Variants in NAALADL2 observed in about 807,000 individuals in gnomAD.
NAALADL2 encodes N-acetylated alpha-linked acidic dipeptidase like 2, also known as inactive N-acetylated-alpha-linked acidic dipeptidase-like protein 2.
A neutral mutation model predicts 87.2 loss-of-function variants in NAALADL2; 76 were observed. The observed-to-expected ratio is 0.87, with a 90% CI of 0.72 to 1.05. NAALADL2 has a LOEUF of 1.05. Ranked by LOEUF, NAALADL2 falls within the 50% of genes least tolerant of loss-of-function variation. The probability of loss-of-function intolerance (pLI) is 0.00; values close to 1 mark genes in which losing one functional copy is unlikely to be tolerated. For missense variants in NAALADL2, 1,089 were observed against 945.8 expected, an observed-to-expected ratio of 1.15 and a Z score of -1.99; for synonymous variants, 354 against 331.0, an observed-to-expected ratio of 1.07 and a Z score of -0.75.
chr3:174,937,046 G>A (rs9852324), intron 1 of NAALADL2, among the ~76,000 whole-genome samples: 37,255 of 151,880 alleles, frequency 0.25, 5,075 homozygotes, highest in East Asian at 0.46. Context: ...ATAAGATTCA[G>A]ATTTTTAAAA....
intron 1 of NAALADL2, among the ~76,000 whole-genome samples, chr3:174,962,874 T>C (rs62286229): frequency 0.39 from 59,704 of 151,880 alleles, 14,185 homozygotes; most frequent in Non-Finnish European, 0.55. Context: ...AATGCTATAT[T>C]TCCTTATATA....
At chr3:175,642,799 C>T (rs1212540126) in intron 11 of NAALADL2, among the ~76,000 whole-genome samples, 2 of 152,248 alleles carry the variant, frequency 1.3e-5, no homozygotes, top group East Asian at 1.9e-4. Flanking sequence ...CGCGCCCGGC[C>T]GCAAATCTTT....
intron 2 of NAALADL2, among the ~76,000 whole-genome samples, chr3:175,182,550 GTTTTTTTTTTT>G (rs1161831796): frequency 0.027 from 1,868 of 69,480 alleles, 29 homozygotes; most frequent in African/African-American, 0.088. Context: ...ACCACAGCCA[GTTTTTTTTTTT>G]TTTTTTTTTT....
At chr3:174,994,828 G>T (rs1490702835) in intron 1 of NAALADL2, among the ~76,000 whole-genome samples, 2 of 152,084 alleles carry the variant, frequency 1.3e-5, no homozygotes, top group Non-Finnish European at 2.9e-5. Flanking sequence ...AATTAGATTT[G>T]CAATTTATCT....
intron 1 of NAALADL2, among the ~76,000 whole-genome samples, chr3:174,886,299 G>T (rs915273871): frequency 6.6e-6 from 1 of 152,040 alleles, no homozygotes; most frequent in Non-Finnish European, 1.5e-5. Context: ...AGGCTGGGAG[G>T]CTAGGCCAGT....
At chr3:175,344,944 G>GA (rs1274765206) in intron 5 of NAALADL2, among the ~76,000 whole-genome samples, 1 of 151,856 alleles carries the variant, frequency 6.6e-6, no homozygotes, top group East Asian at 1.9e-4. Context: ...TACAGATGAG[G>GA]AAACTAGAAC....
intron 11 of NAALADL2, among the ~76,000 whole-genome samples, chr3:175,679,022 G>A (rs753032035): frequency 1.3e-5 from 2 of 151,908 alleles, no homozygotes; most frequent in Non-Finnish European, 2.9e-5. Flanking sequence ...TCAGTCAAAG[G>A]GGGTTGTTCT....
chr3:174,717,725 A>G (rs1731323791), intron 2 of NAALADL2, among the ~76,000 whole-genome samples: 1 of 152,240 alleles, frequency 6.6e-6, no homozygotes, highest in African/African-American at 2.4e-5. Context: ...ATGTAGTAAG[A>G]AATGATGCTT....
chr3:175,154,239 A>G (rs1731971737), intron 2 of NAALADL2, among the ~76,000 whole-genome samples: 1 of 152,184 alleles, frequency 6.6e-6, no homozygotes, highest in Admixed American at 6.5e-5. Context: ...AAAAAATTCC[A>G]TGAAAACCAT....
chr3:175,144,769 A>G (rs1223162533), intron 2 of NAALADL2, among the ~76,000 whole-genome samples: 4 of 151,772 alleles, frequency 2.6e-5, no homozygotes, highest in South Asian at 4.2e-4. Flanking sequence ...AATGCCTCCA[A>G]TGTTGATTTT....
chr3:175,598,168 T>C (rs1296733084), intron 10 of NAALADL2, among the ~76,000 whole-genome samples: 9 of 152,064 alleles, frequency 5.9e-5, no homozygotes, highest in Non-Finnish European at 2.9e-5. Context: ...AAAACAGTCT[T>C]GTTTTGAATG....
intron 11 of NAALADL2, among the ~76,000 whole-genome samples, chr3:175,705,545 A>AAAG (rs1239739268): frequency 2.1e-5 from 3 of 139,636 alleles, no homozygotes; most frequent in Admixed American, 6.8e-5. Flanking sequence ...GAAAGAGAAG[A>AAAG]AAGAAGAAGA....
intron 11 of NAALADL2, among the ~76,000 whole-genome samples, chr3:175,662,559 C>G (rs1223804273): frequency 6.6e-6 from 1 of 151,962 alleles, no homozygotes; most frequent in Non-Finnish European, 1.5e-5. Flanking sequence ...ACATCCTTCT[C>G]ATGTTCCTGA....
At chr3:175,802,237 TAGTC>T (rs1754253169) in intron 13 of NAALADL2, among the ~76,000 whole-genome samples, 3 of 152,092 alleles carry the variant, frequency 2.0e-5, no homozygotes, top group African/African-American at 7.2e-5. Flanking sequence ...TATCACCCAA[TAGTC>T]AGTGTTCAGT....
At chr3:174,851,381 A>C (rs201600536) in intron 3 of NAALADL2, among the ~76,000 whole-genome samples, 1,583 of 151,178 alleles carry the variant, frequency 0.01, 53 homozygotes, top group East Asian at 0.096. Flanking sequence ...AAAAAAAAAA[A>C]ATCAGAGAGA....
At position 174,742,842 on chromosome 3, in the gene NAALADL2, A is replaced by G. The variant is rs1733886042; in HGVS notation, c.-9+5096A>G. On this transcript the variant is annotated intron_variant, in intron 3 of 3. Coordinates refer to the NAALADL2 transcript ENST00000434257. Reference sequence around the variant, plus strand: ...TAGACAAATATGAGAATATAAAGCAAGAATGTAAATACAAAAGGACTGTTA... The same window carrying G: ...TAGACAAATATGAGAATATAAAGCAGGAATGTAAATACAAAAGGACTGTTA... Among the ~76,000 whole-genome samples, 3 of 151,864 alleles carry G rather than the reference A, an allele frequency of 2.0e-5. No individual in the cohort carries two copies. In the South Asian group the frequency reaches 6.2e-4, roughly 31 times the overall value.
chr3:175,176,871 G>A (rs1442807579), intron 2 of NAALADL2, among the ~76,000 whole-genome samples: 1 of 152,018 alleles, frequency 6.6e-6, no homozygotes, highest in Non-Finnish European at 1.5e-5. Context: ...CAAAATCAGT[G>A]TCGCATTTCT....
At chr3:175,236,843 A>G (rs1745985874) in intron 3 of NAALADL2, among the ~76,000 whole-genome samples, 1 of 152,182 alleles carries the variant, frequency 6.6e-6, no homozygotes, top group South Asian at 2.1e-4. Context: ...GAATCACAAA[A>G]ATGTTAATCA....
chr3:175,351,335 G>T (rs912129994), intron 5 of NAALADL2, among the ~76,000 whole-genome samples: 8 of 151,910 alleles, frequency 5.3e-5, no homozygotes, highest in Non-Finnish European at 1.0e-4. Context: ...ATAAAAATCT[G>T]ATGTGCATAT....
Sources: gnomAD v4.1 joint callset for allele counts (sites outside exome capture counted in the v4.1 genomes callset) on GRCh38, gnomAD v4.1.1 for gene constraint, MANE v1.5 for transcripts, NCBI Gene and HGNC (gene_info 2026-07-23, HGNC 2026-07-21) for gene names.